Variants in CCDC171 observed in about 807,000 individuals in gnomAD.
The protein encoded by CCDC171 is coiled-coil domain containing 171, also known as coiled-coil domain-containing protein 171.
A neutral mutation model predicts 168.2 loss-of-function variants in CCDC171; 177 were observed. That is an observed-to-expected ratio of 1.05 (90% CI 0.93 to 1.19). CCDC171 has a LOEUF of 1.19. Among genes scored for constraint, CCDC171 ranks in the 50% most tolerant of loss-of-function variants. The pLI, the probability that CCDC171 is intolerant of heterozygous loss-of-function variation, is 0.00. For synonymous variants in CCDC171, 687 were observed against 540.8 expected (o/e 1.27, Z -3.75); for missense variants, 1,991 against 1,539.0 (o/e 1.29, Z -4.91).
chr9:16,042,645 C>T (rs1586855100), upstream of CCDC171, among the ~76,000 whole-genome samples: 1 of 152,076 alleles, frequency 6.6e-6, no homozygotes, highest in Non-Finnish European at 1.5e-5. Flanking sequence ...TGAATGAGTG[C>T]CATCAAGAAC....
intron 25 of CCDC171, chr9:15,922,274 G>A (rs1462968986): frequency 8.9e-6 from 2 of 225,282 alleles, no homozygotes; most frequent in Admixed American, 8.6e-5. Context: ...TTTTCCCTTA[G>A]TTGAGAATCA....
Position 15,644,600 on chromosome 9 carries a change from G to A in CCDC171, c.823-12527G>A, listed in dbSNP as rs1424070831. Among the ~76,000 whole-genome samples, 6 of 152,180 alleles carry A rather than the reference G, an allele frequency of 3.9e-5. No individual in the cohort carries two copies. The South Asian group carries it at 6.2e-4, about 16-fold the overall frequency. ...ACGGAACACCAGGAGATTATATCCC[G>A]CACCTGGCTCGGAGAGTCCCATGCC... On this transcript the variant is annotated intron_variant, in intron 7 of 25. Coordinates refer to ENST00000380701, the MANE Select transcript of CCDC171 (RefSeq NM_173550.4).
rs57202419 is a variant in CCDC171 at position 15,892,771 on chromosome 9, C to G, written c.3600+18108C>G. 5.4e-3 allele frequency among the ~76,000 whole-genome samples: 816 copies of G among 152,044 alleles called. 6 individuals are homozygous for G. The highest frequency in any genetic ancestry group is 0.019 in the African/African-American group (800 of 41,470). On this transcript the variant is annotated intron_variant, in intron 24 of 25. Transcript: ENST00000380701. ...TCAAGGAAAACTACAAACCACTGCC[C>G]AAAGAAATCAGAAAGGACACAAACA... is the stretch of plus-strand genomic sequence containing the variant.
At chr9:15,963,574 A>G (rs776227774) in intron 25 of CCDC171, among the ~76,000 whole-genome samples, 16 of 152,310 alleles carry the variant, frequency 1.1e-4, no homozygotes, top group Non-Finnish European at 7.4e-5. Context: ...CCTCTTTTCA[A>G]CAGTGGAGAT....
chr9:15,741,916 C>G (rs555041775), intron 16 of CCDC171, among the ~76,000 whole-genome samples: 1 of 152,294 alleles, frequency 6.6e-6, no homozygotes, highest in East Asian at 1.9e-4. Flanking sequence ...GATACAGTGT[C>G]TCTATCTCTA....
intron 3 of CCDC171, among the ~76,000 whole-genome samples, chr9:15,983,796 A>C (rs1316851324): frequency 7.6e-6 from 1 of 131,256 alleles, no homozygotes; most frequent in Non-Finnish European, 1.6e-5. Flanking sequence ...CAAGGTAGGG[A>C]GGCAAGAGCT....
chr9:15,703,426 C>G lies in CCDC171; in HGVS notation c.1318+8089C>G, dbSNP rs556854931. 1.1e-4 allele frequency among the ~76,000 whole-genome samples: 17 copies of G among 152,320 alleles called. No individual in the cohort carries two copies. In the East Asian group the frequency reaches 2.7e-3, roughly 24 times the overall value. ...TCTCTCTTCATTACCACCCCACCAC[C>G]AGCCTCTGATAACCACCATTCTTCT... On this transcript the variant is annotated intron_variant, in intron 11 of 25. Coordinates refer to ENST00000380701, the MANE Select transcript of CCDC171 (RefSeq NM_173550.4).
intron 4 of CCDC171, among the ~76,000 whole-genome samples, chr9:15,584,105 G>C (rs1375296393): frequency 6.6e-6 from 1 of 152,172 alleles, no homozygotes; most frequent in Non-Finnish European, 1.5e-5. Flanking sequence ...CTGACCTTGT[G>C]ATCCACCCGC....
chr9:15,579,237 A>T (rs1238737398), intron 4 of CCDC171, among the ~76,000 whole-genome samples: 2 of 152,262 alleles, frequency 1.3e-5, no homozygotes, highest in African/African-American at 4.8e-5. Flanking sequence ...TATGCTGTGC[A>T]TATATGGAAA....
At chr9:16,023,237 A>G (rs971080113) in intron 6 of CCDC171, among the ~76,000 whole-genome samples, 11 of 152,132 alleles carry the variant, frequency 7.2e-5, no homozygotes, top group East Asian at 1.9e-4. Context: ...ACAGGTCCCC[A>G]CATAAAACGT....
chr9:16,089,081 G>A, the CCDC171 span, among the ~76,000 whole-genome samples: 1 of 152,038 alleles, frequency 6.6e-6, no homozygotes, highest in Non-Finnish European at 1.5e-5. Flanking sequence ...TCTGATCTTT[G>A]ATAAACCTGA....
chr9:15,994,555 G>A (rs192220921), intron 3 of CCDC171, among the ~76,000 whole-genome samples: 1 of 152,110 alleles, frequency 6.6e-6, no homozygotes, highest in Non-Finnish European at 1.5e-5. Context: ...TGCACATTGT[G>A]CACATGTACC....
At chr9:15,848,849 T>C (rs1310019724) in intron 22 of CCDC171, 44 bp from the exon 23 acceptor site, 1 of 1,114,082 alleles carries the variant, frequency 9.0e-7, no homozygotes, top group Non-Finnish European at 1.3e-6. Context: ...ACAGTTGTAG[T>C]AAGGTTTGAG....
chr9:15,631,165 T>C (rs1483324637), intron 7 of CCDC171, among the ~76,000 whole-genome samples: 2 of 151,672 alleles, frequency 1.3e-5, no homozygotes, highest in African/African-American at 4.9e-5. Flanking sequence ...AAGAAATAAC[T>C]AAAATCAGAG....
intron 21 of CCDC171, among the ~76,000 whole-genome samples, chr9:15,838,361 A>ATGG (rs1382751852): frequency 6.6e-6 from 1 of 152,210 alleles, no homozygotes; most frequent in African/African-American, 2.4e-5. Flanking sequence ...AGCTATGATG[A>ATGG]TATAGCCAGA....
chr9:15,609,794 G>C (rs1053525549), intron 6 of CCDC171, among the ~76,000 whole-genome samples: 2 of 152,046 alleles, frequency 1.3e-5, no homozygotes, highest in African/African-American at 4.8e-5. Flanking sequence ...ATATTTTTTA[G>C]GGGTGAGGGA....
At chr9:15,745,690 TCTTTATGTCA>T (rs2055223248) in intron 18 of CCDC171, 59 bp downstream of exon 18, 1 of 976,430 alleles carries the variant, frequency 1.0e-6, no homozygotes, top group Non-Finnish European at 1.5e-6. Flanking sequence ...ATCCAGAAAT[TCTTTATGTCA>T]CAAATTCTAA....
chr9:15,661,076 C>G (rs992343592), intron 8 of CCDC171, among the ~76,000 whole-genome samples: 2 of 152,074 alleles, frequency 1.3e-5, no homozygotes, highest in African/African-American at 4.8e-5. Context: ...GTCAGGAGAT[C>G]GAGACCATCC....
At position 16,004,163 on chromosome 9, in the gene CCDC171, T is replaced by C. The variant is rs202223773; in HGVS notation, n.369-16426T>C. Among the ~76,000 whole-genome samples the C allele has an allele frequency of 8.5e-5, 13 of 152,222 alleles. No homozygotes were observed. The East Asian group carries it at 2.5e-3, about 30-fold the overall frequency. On this transcript the variant is annotated intron_variant and non_coding_transcript_variant, in intron 3 of 9. Transcript: ENST00000486641. ...GAGCACCAGAAACGGCTAGCCACCA[T>C]ATCTGTCCAGTTTGCCTTTCAACAC...
Sources: allele counts gnomAD v4.1 joint callset (sites outside exome capture counted in the v4.1 genomes callset), GRCh38; gene constraint gnomAD v4.1.1; transcripts MANE v1.5; gene names NCBI Gene and HGNC (gene_info 2026-07-23, HGNC 2026-07-21).